Variants in FHL2 observed in about 807,000 individuals in gnomAD.
FHL2 encodes the protein four and a half LIM domains protein 2.
Under a neutral mutation model 32.7 loss-of-function variants are expected in FHL2, and 20 were observed. The ratio of observed to expected loss-of-function variants is 0.61; its 90% CI spans 0.43 to 0.89. The LOEUF is 0.89. Ranked by LOEUF, FHL2 falls within the 40% of genes least tolerant of loss-of-function variation. The pLI, the probability that FHL2 is intolerant of heterozygous loss-of-function variation, is 0.00. For synonymous variants in FHL2, 123 were observed against 128.1 expected (o/e 0.96, Z 0.27); for missense variants, 311 against 358.6 (o/e 0.87, Z 1.07).
intron 1 of FHL2, among the ~76,000 whole-genome samples, chr2:105,412,497 G>C (rs1683821724): frequency 6.6e-6 from 1 of 152,238 alleles, no homozygotes. Context: ...CTTGTAGAAG[G>C]ATGAGATTCA....
upstream of FHL2, among the ~76,000 whole-genome samples, chr2:105,402,019 G>A (rs1482643301): frequency 6.7e-6 from 1 of 148,240 alleles, no homozygotes; most frequent in African/African-American, 2.5e-5. Flanking sequence ...ACATATATAC[G>A]TATATATACA....
chr2:105,396,905 A>T, intron 1 of FHL2: 1 of 556,004 alleles, frequency 1.8e-6, no homozygotes, highest in Non-Finnish European at 3.2e-6. Context: ...AGAGCCGCTT[A>T]GCGACTCAGG....
At chr2:105,415,978 A>AT (rs1190999070) in intron 1 of FHL2, among the ~76,000 whole-genome samples, 4 of 152,236 alleles carry the variant, frequency 2.6e-5, no homozygotes, top group Non-Finnish European at 5.9e-5. Flanking sequence ...GTGTGGAACC[A>AT]TATTCAATCA....
At chr2:105,396,432 G>C (rs114801434) in intron 2 of FHL2, among the ~76,000 whole-genome samples, 1 of 152,090 alleles carries the variant, frequency 6.6e-6, no homozygotes, top group South Asian at 2.1e-4. Context: ...TTTGGACAAG[G>C]CCCACTCACA....
At chr2:105,358,132 A>G (rs1169177424), downstream of FHL2, 1 of 152,212 alleles carries the variant, frequency 6.6e-6, no homozygotes, top group Non-Finnish European at 1.5e-5. Context: ...TACTAATAGC[A>G]TGGAGTTACC....
chr2:105,433,211 C>G (rs1197743285), intron 1 of FHL2, among the ~76,000 whole-genome samples: 1 of 146,526 alleles, frequency 6.8e-6, no homozygotes, highest in Non-Finnish European at 1.5e-5. Context: ...GAAGGAGTCT[C>G]TCTCTGTCAC....
rs574840607 is a variant in FHL2, at chr2:105,373,745, G to C, written c.157-12C>G. Reference sequence around the variant, plus strand: ...TTGTAAGACAAGTCCTGTGGGGCCAGACCACACAAGACAGTCAGAGGCAGG... The same window carrying C: ...TTGTAAGACAAGTCCTGTGGGGCCACACCACACAAGACAGTCAGAGGCAGG... On this transcript the variant is annotated splice_polypyrimidine_tract_variant and intron_variant, in intron 3 of 6. Transcript: ENST00000530340. 76 of 1,613,272 alleles carry C rather than the reference G, an allele frequency of 4.7e-5. No homozygotes were observed. In the East Asian group the frequency reaches 1.7e-3, roughly 35 times the overall value.
intron 3 of FHL2, among the ~76,000 whole-genome samples, chr2:105,381,366 C>T (rs1681871849): frequency 6.6e-6 from 1 of 152,072 alleles, no homozygotes; most frequent in Non-Finnish European, 1.5e-5. Context: ...CACTCAATTA[C>T]CCCGACAGTC....
intron 1 of FHL2, among the ~76,000 whole-genome samples, chr2:105,436,595 A>T (rs1389870789): frequency 6.6e-6 from 1 of 152,236 alleles, no homozygotes; most frequent in Admixed American, 6.5e-5. Context: ...TATTATTTAC[A>T]GTTTCCCACA....
At chr2:105,393,806 G>A (rs1225222679) in intron 2 of FHL2, among the ~76,000 whole-genome samples, 1 of 152,226 alleles carries the variant, frequency 6.6e-6, no homozygotes, top group Non-Finnish European at 1.5e-5. Context: ...AGCTTCCATC[G>A]CTGCCCTCGT....
intron 1 of FHL2, among the ~76,000 whole-genome samples, chr2:105,424,519 A>G (rs111637481): frequency 0.32 from 49,306 of 152,088 alleles, 8,633 homozygotes; most frequent in Middle Eastern, 0.51. Flanking sequence ...CAGCAATCCC[A>G]TTACTGGGTA....
At chr2:105,379,340 A>C (rs2104558273) in intron 3 of FHL2, among the ~76,000 whole-genome samples, 1 of 152,294 alleles carries the variant, frequency 6.6e-6, no homozygotes. Context: ...TCAATGTGTC[A>C]CTTGCTGAAC....
At chr2:105,438,492 TC>T (rs1684681183) in exon 1 of FHL2, 1 of 985,428 alleles carries the variant, frequency 1.0e-6, no homozygotes, top group African/African-American at 1.7e-5. Context: ...GCCCCAACCT[TC>T]TGTGCAGCTG....
At chr2:105,399,491 T>C, upstream of FHL2, 1 of 1,536,202 alleles carries the variant, frequency 6.5e-7, no homozygotes, top group Non-Finnish European at 8.7e-7. Flanking sequence ...GGTGGACGTT[T>C]TTCCTTCTTA....
At chr2:105,412,583 G>C (rs115392583) in intron 1 of FHL2, among the ~76,000 whole-genome samples, 3 of 152,338 alleles carry the variant, frequency 2.0e-5, no homozygotes, top group Non-Finnish European at 4.4e-5. Flanking sequence ...TAGAGCAAAA[G>C]AGCAAATAAA....
At chr2:105,398,405 A>T (rs985878509) in intron 1 of FHL2, among the ~76,000 whole-genome samples, 1 of 152,186 alleles carries the variant, frequency 6.6e-6, no homozygotes, top group African/African-American at 2.4e-5. Context: ...ACTTATTTCT[A>T]CTAAAGGGAA....
In FHL2 at chr2:105,365,674, C is replaced by CCA. The variant is rs771466104; in HGVS notation, c.501+1895_501+1896insTG. Reference sequence around the variant, plus strand: ...ACAAAGTGAGACACCGTCTCTACTACAAAAAAAAAAAAAAAAAATTAGGTG... The same window carrying CCA: ...ACAAAGTGAGACACCGTCTCTACTACCAAAAAAAAAAAAAAAAAAATTAGGTG... On this transcript the variant is annotated intron_variant, in intron 5 of 6. Coordinates refer to ENST00000530340, the MANE Select transcript of FHL2 (RefSeq NM_001318895.3). 1.2e-3 allele frequency among the ~76,000 whole-genome samples: 84 copies of CCA among 71,646 alleles called. 1 individual carries two copies. Among genetic ancestry groups the CCA allele is most frequent in the East Asian group, 3.8e-3 (7 of 1,854 alleles). 47.0% of individuals were successfully genotyped at this position (71,646 alleles called of 152,430 possible).
At chr2:105,381,003 G>A (rs1681850150) in intron 3 of FHL2, among the ~76,000 whole-genome samples, 1 of 152,072 alleles carries the variant, frequency 6.6e-6, no homozygotes, top group South Asian at 2.1e-4. Context: ...CTTTAGCTGA[G>A]CTTTAGTGGC....
Position 105,373,630 on chromosome 2 carries a change from A to C in FHL2, c.260T>G (p.Leu87Arg). The C allele has an allele frequency of 1.9e-6, 3 of 1,614,212 alleles. No individual in the cohort carries two copies. The highest frequency in any genetic ancestry group is 2.5e-6 in the Non-Finnish European group (3 of 1,180,024). Reference protein sequence around the residue: ...DKPFAAKEDQLLCTDCYSNEY... With the variant: ...DKPFAAKEDQRLCTDCYSNEY... Reference sequence around the variant, plus strand: ...GTTGGAATAGCAGTCTGTACAGAGCAGCTGGTCCTCCTTGGCAGCAAAGGG... The same window carrying C: ...GTTGGAATAGCAGTCTGTACAGAGCCGCTGGTCCTCCTTGGCAGCAAAGGG... Residue 87 changes from leucine to arginine, a missense_variant, in exon 4 of 7, where the codon CTG becomes CGG. Coordinates refer to ENST00000530340, the MANE Select transcript of FHL2 (RefSeq NM_001318895.3).
Sources: allele counts gnomAD v4.1 joint callset (sites outside exome capture counted in the v4.1 genomes callset), GRCh38; gene constraint gnomAD v4.1.1; transcripts MANE v1.5; gene names NCBI Gene and HGNC (gene_info 2026-07-23, HGNC 2026-07-21).